Variants in KMT2C observed in about 807,000 individuals in gnomAD.
The protein encoded by KMT2C is histone-lysine N-methyltransferase 2C.
A neutral mutation model predicts 507.9 loss-of-function variants in KMT2C; 88 were observed. The ratio of observed to expected loss-of-function variants is 0.17; its 90% CI spans 0.15 to 0.21. The LOEUF (loss-of-function observed/expected upper bound fraction) is 0.21, where lower values mean the gene tolerates loss of function less well. KMT2C is among the 10% of genes least tolerant of loss of function. The pLI is 1.00. For synonymous variants in KMT2C, 2,049 were observed against 2,080.8 expected (o/e 0.98, Z 0.42); for missense variants, 4,954 against 5,957.8 (o/e 0.83, Z 5.55).
chr7:152,345,345 G>A (rs2097047967), intron 2 of KMT2C, among the ~76,000 whole-genome samples: 1 of 152,106 alleles, frequency 6.6e-6, no homozygotes, highest in South Asian at 2.1e-4. Context: ...GCGAAGCTGA[G>A]GTGCGAGGAT....
chr7:152,363,022 T>A (rs1336262117), intron 1 of KMT2C, among the ~76,000 whole-genome samples: 2 of 152,348 alleles, frequency 1.3e-5, no homozygotes, highest in Admixed American at 1.3e-4. Context: ...GCTTCTGCCA[T>A]GTGACTTTTC....
intron 23 of KMT2C, among the ~76,000 whole-genome samples, chr7:152,215,438 C>A (rs1397641133): frequency 4.1e-5 from 6 of 145,428 alleles, no homozygotes; most frequent in African/African-American, 1.3e-4. Context: ...GGCGTGAACC[C>A]AGGAGGCGGA....
rs2097788775 is a variant in KMT2C at position 152,423,194 on chromosome 7, G to A, written c.161+12432C>T. Among the ~76,000 whole-genome samples, 5 of 152,036 alleles carry A rather than the reference G, an allele frequency of 3.3e-5. No individual in the cohort carries two copies. In the South Asian group the frequency reaches 1.0e-3, roughly 31 times the overall value. ...GTCTCTACTAAAAATACAAAAATTA[G>A]CCAGGCTTGGTGGTGCATGCCTGTA... On this transcript the variant is annotated intron_variant, in intron 1 of 58. Coordinates refer to ENST00000262189, the MANE Select transcript of KMT2C (RefSeq NM_170606.3).
At chr7:152,175,395 T>C (rs764473767) in intron 38 of KMT2C, among the ~76,000 whole-genome samples, 3 of 152,168 alleles carry the variant, frequency 2.0e-5, no homozygotes, top group Non-Finnish European at 2.9e-5. Context: ...GGTATACATA[T>C]GTCATGGTGG....
intron 2 of KMT2C, among the ~76,000 whole-genome samples, chr7:152,341,345 A>G (rs2096989833): frequency 6.6e-6 from 1 of 152,258 alleles, no homozygotes; most frequent in African/African-American, 2.4e-5. Flanking sequence ...TGAATTTTTC[A>G]TTTTAAACTT....
rs1554652303 is a variant in KMT2C, at chr7:152,332,891, C to CACAA, written c.251-2153_251-2152insTTGT. 2.0e-5 allele frequency among the ~76,000 whole-genome samples: 3 copies of CACAA among 149,646 alleles called. 1 individual carries two copies. The highest frequency in any genetic ancestry group is 1.3e-4 in the Admixed American group (2 of 15,062). On this transcript the variant is annotated intron_variant, in intron 2 of 58. Coordinates refer to ENST00000262189, the MANE Select transcript of KMT2C (RefSeq NM_170606.3). ...ACACACACACACACACACACACACA[C>CACAA]AAATTATTCTCGTCAACACCACCAA...
chr7:152,312,208 C>T (rs2096678692), intron 4 of KMT2C: 1 of 258,548 alleles, frequency 3.9e-6, no homozygotes, highest in Non-Finnish European at 7.3e-6. Context: ...TTTGTTTTTC[C>T]ATTCCATAAT....
At chr7:152,234,684 T>C (rs994719780) in intron 16 of KMT2C, among the ~76,000 whole-genome samples, 16 of 152,060 alleles carry the variant, frequency 1.1e-4, no homozygotes, top group African/African-American at 3.9e-4. Context: ...GAAAACTGCT[T>C]GAGCTCAGAA....
Position 152,162,632 on chromosome 7 carries a change from G to C in KMT2C, c.10945C>G (p.Pro3649Ala). The part of the protein sequence containing the change: ...ETTSTPAVST[P>A]SELPQQADQE... ...TCGGCTTGTTGAGGAAGCTCACTGGGTGTGCTCACTGCAGGAGTAGAGGTA... is the reference window on the plus strand; with the variant it reads ...TCGGCTTGTTGAGGAAGCTCACTGGCTGTGCTCACTGCAGGAGTAGAGGTA... Residue 3649 changes from proline to alanine, a missense_variant, in exon 43 of 59, where the codon CCC becomes GCC. This residue lies in a region of KMT2C where 801 missense variants were observed against 751.2 expected (regional missense o/e 1.07). Transcript: ENST00000262189. 6.2e-7 allele frequency: 1 copy of C among 1,614,236 alleles called. No individual in the cohort carries two copies. The highest frequency in any genetic ancestry group is 1.1e-5 in the South Asian group (1 of 91,090).
intron 1 of KMT2C, chr7:152,367,624 C>T (rs2097258154): frequency 7.2e-7 from 1 of 1,387,912 alleles, no homozygotes; most frequent in South Asian, 1.2e-5. Flanking sequence ...AAAGACTATA[C>T]AGGTGGACAA....
intron 26 of KMT2C, among the ~76,000 whole-genome samples, chr7:152,202,134 G>C (rs996833487): frequency 2.0e-5 from 3 of 152,144 alleles, no homozygotes; most frequent in Admixed American, 6.5e-5. Flanking sequence ...TAGTTTCTTA[G>C]GAGGAACAGA....
rs1241408105 is a variant in KMT2C, at chr7:152,152,859, C to T, written c.12372G>A (p.Met4124Ile). ...TGATTCTGTGGCTACTGACCAAACCCATGGATGGGACATCTGGAGCACTGC... is the reference window on the plus strand; with the variant it reads ...TGATTCTGTGGCTACTGACCAAACCTATGGATGGGACATCTGGAGCACTGC... ...EVSSAPDVPS[M>I]GLVSSHRINP... The change falls in exon 49 of 59, where the codon ATG becomes ATA. Residue 4124 changes from methionine to isoleucine, a missense_variant. Met to Ile is a conservative substitution (Grantham distance 10, BLOSUM62 1). Coordinates refer to ENST00000262189, the MANE Select transcript of KMT2C (RefSeq NM_170606.3). The T allele has an allele frequency of 1.2e-6, 2 of 1,614,146 alleles. No homozygotes were observed. Among genetic ancestry groups the T allele is most frequent in the South Asian group, 1.1e-5 (1 of 91,080 alleles).
At chr7:152,286,134 A>C in intron 6 of KMT2C, among the ~76,000 whole-genome samples, 1 of 152,312 alleles carries the variant, frequency 6.6e-6, no homozygotes, top group Non-Finnish European at 1.5e-5. Flanking sequence ...AAAAGTAAAA[A>C]CACTGGGAAG....
At chr7:152,261,959 A>G (rs2095787822) in intron 9 of KMT2C, among the ~76,000 whole-genome samples, 1 of 152,076 alleles carries the variant, frequency 6.6e-6, no homozygotes, top group South Asian at 2.1e-4. Flanking sequence ...ACAGTTACCC[A>G]GCAGCTCTTT....
At chr7:152,414,008 G>C (rs567022144) in intron 1 of KMT2C, among the ~76,000 whole-genome samples, 1,927 of 151,892 alleles carry the variant, frequency 0.013, 49 homozygotes, top group African/African-American at 0.045. Flanking sequence ...TCAGAAATTC[G>C]AGACCAGCCT....
chr7:152,432,205 A>G (rs1291545326), intron 1 of KMT2C, among the ~76,000 whole-genome samples: 5 of 152,296 alleles, frequency 3.3e-5, no homozygotes. Context: ...CTTCTGTACA[A>G]CCACCCCCAT....
chr7:152,219,264 C>A (rs996995488), intron 23 of KMT2C, among the ~76,000 whole-genome samples: 1 of 149,952 alleles, frequency 6.7e-6, no homozygotes, highest in African/African-American at 2.5e-5. Context: ...GCCACTGCGC[C>A]TGGCCAGGCA....
chr7:152,201,362 C>T (rs2094136064), intron 26 of KMT2C, among the ~76,000 whole-genome samples: 1 of 150,832 alleles, frequency 6.6e-6, no homozygotes, highest in Non-Finnish European at 1.5e-5. Flanking sequence ...AACAGGGGAA[C>T]AAGACGGCCC....
At chr7:152,420,399 GTTTAGTA>G (rs1330985935) in intron 1 of KMT2C, among the ~76,000 whole-genome samples, 1 of 152,160 alleles carries the variant, frequency 6.6e-6, no homozygotes, top group Non-Finnish European at 1.5e-5. Context: ...CATTAAAGGA[GTTTAGTA>G]TTTATCTGCA....
Sources: gnomAD v4.1 joint callset for allele counts (sites outside exome capture counted in the v4.1 genomes callset) on GRCh38, gnomAD v4.1.1 for gene constraint, gnomAD v4.1.1 regional missense constraint, MANE v1.5 for transcripts, NCBI Gene and HGNC (gene_info 2026-07-23, HGNC 2026-07-21) for gene names.